The following ACAD10 variants were observed in gnomAD, a reference collection of about 807,000 sequenced individuals.
The protein encoded by ACAD10 is acyl-CoA dehydrogenase family member 10, also known as ACAD-10.
In ACAD10, 112 loss-of-function variants were observed where a neutral mutation model predicts 116.8. That is an observed-to-expected ratio of 0.96 (90% CI 0.82 to 1.12). The LOEUF is 1.12. ACAD10 is among the 50% of genes most tolerant of loss of function. The pLI is 0.00. For synonymous variants in ACAD10, 486 were observed against 510.6 expected (o/e 0.95, Z 0.65); for missense variants, 1,259 against 1,350.2 (o/e 0.93, Z 1.06).
rs1889276168 is a variant in ACAD10 at position 111,728,085 on chromosome 12, G to A, written c.1185G>A (p.Leu395=). 2 of 1,613,648 alleles carry A rather than the reference G, an allele frequency of 1.2e-6. No homozygotes were observed. Among genetic ancestry groups the A allele is most frequent in the African/African-American group, 1.3e-5 (1 of 74,906 alleles). ...TATACACTGCCATGAACACAGTCCT[G>A]TGCAAAATTCACAGTGTGGATCTGC... ...RAIYTAMNTV[L]CKIHSVDLQA... Residue 395 remains leucine, a synonymous_variant, in exon 9 of 21, where the codon CTG becomes CTA. Coordinates refer to ENST00000313698, the MANE Select transcript of ACAD10 (RefSeq NM_025247.6).
At chr12:111,715,465 G>A (rs562707081) in intron 6 of ACAD10, 2 of 253,192 alleles carry the variant, frequency 7.9e-6, no homozygotes, top group South Asian at 1.1e-4. Context: ...TGGCAAGATG[G>A]GTTGCCATGG....
Position 111,729,820 on chromosome 12 carries a change from C to T in ACAD10, c.1258C>T (p.Arg420Cys), listed in dbSNP as rs575221081. Residue 420 changes from arginine (R) to cysteine (C), a missense_variant, in exon 10 of 21, where the codon CGC becomes TGC. Physicochemically the swap from Arg to Cys is radical, Grantham distance 180. Coordinates refer to ENST00000313698, the MANE Select transcript of ACAD10 (RefSeq NM_025247.6). Reference protein sequence around the residue: ...DYGKQGDYIPRQVRTWVKQYR... With the variant: ...DYGKQGDYIPCQVRTWVKQYR... ...ATTTCCCGCAGGGGACTATATTCCA[C>T]GCCAGGTACGAACCTGGGTTAAGCA... 2.4e-5 allele frequency: 39 copies of T among 1,613,846 alleles called. No homozygotes were observed. The highest frequency in any genetic ancestry group is 2.4e-4 in the South Asian group (22 of 91,070).
chr12:111,721,353 AGG>A (rs1889007082), intron 7 of ACAD10, among the ~76,000 whole-genome samples: 1 of 152,142 alleles, frequency 6.6e-6, no homozygotes, highest in Non-Finnish European at 1.5e-5. Flanking sequence ...GGATCACCTG[AGG>A]TCAGGAATTT....
chr12:111,738,290 AC>A (rs1566163363), intron 12 of ACAD10, among the ~76,000 whole-genome samples: 1 of 152,118 alleles, frequency 6.6e-6, no homozygotes, highest in African/African-American at 2.4e-5. Flanking sequence ...TACTAAAAAT[AC>A]AAAAATTAGC....
At chr12:111,728,808 C>T (rs540486623) in intron 9 of ACAD10, among the ~76,000 whole-genome samples, 1 of 152,196 alleles carries the variant, frequency 6.6e-6, no homozygotes, top group South Asian at 2.1e-4. Context: ...TCCTGCCTCT[C>T]CCTCTTGAGT....
intron 17 of ACAD10, 119 bp downstream of exon 17, chr12:111,748,594 A>G: frequency 9.0e-7 from 1 of 1,114,862 alleles, no homozygotes; most frequent in South Asian, 1.5e-5. Flanking sequence ...GTATGATGAC[A>G]TTTGGAGTCA....
At chr12:111,728,224 G>T in intron 9 of ACAD10, 81 bp downstream of exon 9, 1 of 1,427,714 alleles carries the variant, frequency 7.0e-7, no homozygotes, top group Non-Finnish European at 9.4e-7. Context: ...GTTTTGGGTC[G>T]TTTTGAGTAT....
rs146083514 is a variant in ACAD10 at position 111,754,430 on chromosome 12, C to T, written c.2961+515C>T. 3.4e-3 allele frequency among the ~76,000 whole-genome samples: 524 copies of T among 152,200 alleles called. 1 individual carries two copies. Among genetic ancestry groups the T allele is most frequent in the African/African-American group, 0.012 (494 of 41,526 alleles). On this transcript the variant is annotated intron_variant, in intron 19 of 20. Transcript: ENST00000313698. ...CCTCCCAAGTAGCTGGGACTCCAGG[C>T]GCAAACCTCCATGCCCAGCTAATTC...
rs1269002331 is a variant in ACAD10, at chr12:111,702,186, C to T, written c.212C>T (p.Pro71Leu). 1 of 1,613,996 alleles carries T rather than the reference C, an allele frequency of 6.2e-7. No homozygotes were observed. The highest frequency in any genetic ancestry group is 1.1e-5 in the South Asian group (1 of 91,046). Residue 71 changes from proline (P) to leucine (L), a missense_variant, in exon 3 of 21, where the codon CCT becomes CTT. By Grantham distance (98) the Pro-to-Leu change is moderately conservative. Transcript: ENST00000313698. Reference protein sequence around the residue: ...AAEWEVQNRIPSGTILKALME... With the variant: ...AAEWEVQNRILSGTILKALME... Reference sequence around the variant, plus strand: ...GAATGGGAGGTACAGAATCGTATCCCTTCTGGAACTATATTAAAGGCCTTG... The same window carrying T: ...GAATGGGAGGTACAGAATCGTATCCTTTCTGGAACTATATTAAAGGCCTTG...
Position 111,729,704 on chromosome 12 carries a change from A to G in ACAD10, c.1244-102A>G, listed in dbSNP as rs117183169. On this transcript the variant is annotated intron_variant, in intron 9 of 20. Transcript: ENST00000313698. ...CGTGTTCAAAGACACTGCACCACCC[A>G]GTGCAGAGCATGACAAAGGGTTTCA... 6.7e-3 allele frequency: 9,138 copies of G among 1,363,814 alleles called. 90 individuals carry two copies. Among genetic ancestry groups the G allele is most frequent in the South Asian group, 0.026 (1,944 of 75,348 alleles). 84.5% of individuals were successfully genotyped at this position (1,363,814 alleles called of 1,614,324 possible).
At chr12:111,733,828 G>A (rs1299202685) in intron 10 of ACAD10, 95 bp from the exon 11 acceptor site, 7 of 1,501,348 alleles carry the variant, frequency 4.7e-6, no homozygotes, top group Non-Finnish European at 6.4e-6. Context: ...ATGGGAGGGT[G>A]GGGAGCCAAG....
chr12:111,723,876 G>A (rs1317393074), intron 8 of ACAD10, among the ~76,000 whole-genome samples: 10 of 151,286 alleles, frequency 6.6e-5, no homozygotes, highest in East Asian at 3.9e-4. Flanking sequence ...CAGACAGGGC[G>A]GCCGGGCAGG....
chr12:111,746,722 A>C (rs1428540909), intron 14 of ACAD10, among the ~76,000 whole-genome samples: 4 of 150,852 alleles, frequency 2.7e-5, no homozygotes, highest in African/African-American at 9.7e-5. Flanking sequence ...TGAGAAGGCC[A>C]GGCATGGTGG....
intron 10 of ACAD10, 152 bp downstream of exon 10, chr12:111,730,108 C>T (rs1408485187): frequency 4.4e-6 from 5 of 1,143,580 alleles, no homozygotes; most frequent in Non-Finnish European, 6.0e-6. Flanking sequence ...GGTTTCTCAG[C>T]TCTGGCACTG....
rs895747686 is a variant in ACAD10 at position 111,728,162 on chromosome 12, C to T, written c.1243+19C>T. ...AAGCAAGGTGAGCAGGAGGCCACGTCTCCCATGCTGGTTGTTTCATCACTA... is the reference window on the plus strand; with the variant it reads ...AAGCAAGGTGAGCAGGAGGCCACGTTTCCCATGCTGGTTGTTTCATCACTA... On this transcript the variant is annotated intron_variant, in intron 9 of 20. Coordinates refer to ENST00000313698, the MANE Select transcript of ACAD10 (RefSeq NM_025247.6). 1.1e-5 allele frequency: 18 copies of T among 1,575,550 alleles called. No homozygotes were observed. The highest frequency in any genetic ancestry group is 1.6e-5 in the Non-Finnish European group (18 of 1,160,464).
At chr12:111,746,082 C>G (rs1484857392) in intron 13 of ACAD10, 62 bp from the exon 14 acceptor site, 1 of 1,575,096 alleles carries the variant, frequency 6.3e-7, no homozygotes, top group Non-Finnish European at 8.6e-7. Context: ...CATTGTTTTC[C>G]ACGGTTCAAA....
intron 4 of ACAD10, among the ~76,000 whole-genome samples, chr12:111,707,284 C>G (rs1288537301): frequency 1.3e-5 from 2 of 151,314 alleles, no homozygotes; most frequent in Non-Finnish European, 2.9e-5. Flanking sequence ...ATATTAGAGA[C>G]TGGGTTTCAC....
rs192640383 is a variant in ACAD10, at chr12:111,721,687, G to T, written c.1009G>T (p.Ala337Ser). ...EREFRIMKAL[A>S]NAGVPVPNVL... ...TCCTTGCAGGATTATGAAAGCCCTTGCAAATGCTGGAGTACCTGTCCCTAA... is the reference window on the plus strand; with the variant it reads ...TCCTTGCAGGATTATGAAAGCCCTTTCAAATGCTGGAGTACCTGTCCCTAA... The change falls in exon 8 of 21, where the codon GCA becomes TCA. Residue 337 changes from alanine (A) to serine (S), a missense_variant. Physicochemically the swap from Ala to Ser is moderately conservative, Grantham distance 99. Coordinates refer to ENST00000313698, the MANE Select transcript of ACAD10 (RefSeq NM_025247.6). The T allele has an allele frequency of 1.9e-4, 308 of 1,604,980 alleles. 3 individuals carry two copies. In the East Asian group the frequency reaches 2.2e-3, roughly 11 times the overall value.
At chr12:111,748,257 G>A in intron 16 of ACAD10, 60 bp from the exon 17 acceptor site, 1 of 1,601,550 alleles carries the variant, frequency 6.2e-7, no homozygotes, top group South Asian at 1.1e-5. Flanking sequence ...GACCACGTGT[G>A]TAGAGATTTG....
Sources: allele counts gnomAD v4.1 joint callset (sites outside exome capture counted in the v4.1 genomes callset), GRCh38; gene constraint gnomAD v4.1.1; transcripts MANE v1.5; gene names NCBI Gene and HGNC (gene_info 2026-07-23, HGNC 2026-07-21).